Variants in GBF1 observed in about 807,000 individuals in gnomAD.
The protein encoded by GBF1 is golgi brefeldin A resistant guanine nucleotide exchange factor 1, also known as Golgi-specific brefeldin A-resistance guanine nucleotide exchange factor 1.
Under a neutral mutation model 210.5 loss-of-function variants are expected in GBF1, and 114 were observed. The ratio of observed to expected loss-of-function variants is 0.54; its 90% CI spans 0.47 to 0.63. GBF1 has a LOEUF of 0.63. Among genes scored for constraint, GBF1 ranks in the 30% least tolerant of loss-of-function variants. GBF1 has a pLI of 0.00. For synonymous variants in GBF1, 850 were observed against 889.2 expected (o/e 0.96, Z 0.78); for missense variants, 1,851 against 2,357.7 (o/e 0.79, Z 4.45).
chr10:102,319,047 GT>G, intron 3 of GBF1, among the ~76,000 whole-genome samples: 1 of 152,294 alleles, frequency 6.6e-6, no homozygotes, highest in East Asian at 1.9e-4. Context: ...GCTGGGCGCA[GT>G]GGCTCATGCC....
chr10:102,331,242 A>T (rs1319703459), intron 3 of GBF1, among the ~76,000 whole-genome samples: 1 of 152,180 alleles, frequency 6.6e-6, no homozygotes, highest in Non-Finnish European at 1.5e-5. Flanking sequence ...TGTCATGGTC[A>T]TCTTGAACCT....
chr10:102,238,482 T>C, the GBF1 span, among the ~76,000 whole-genome samples: 20 of 152,306 alleles, frequency 1.3e-4, no homozygotes, highest in African/African-American at 4.3e-4. Context: ...GCAGGGGTAG[T>C]GGCCAGCATC....
intron 29 of GBF1, among the ~76,000 whole-genome samples, chr10:102,374,387 G>A (rs902374108): frequency 1.2e-4 from 18 of 151,994 alleles, no homozygotes; most frequent in African/African-American, 4.1e-4. Flanking sequence ...CTAAGGATTA[G>A]GGATGGGGGC....
intron 3 of GBF1, among the ~76,000 whole-genome samples, chr10:102,315,919 T>C (rs1354906970): frequency 6.6e-6 from 1 of 152,068 alleles, no homozygotes; most frequent in African/African-American, 2.4e-5. Flanking sequence ...CAGAACTCTA[T>C]AGAAGTTCTA....
intron 3 of GBF1, among the ~76,000 whole-genome samples, chr10:102,330,723 T>C (rs1490691423): frequency 6.6e-6 from 1 of 151,980 alleles, no homozygotes; most frequent in African/African-American, 2.4e-5. Flanking sequence ...AATGTAGCTG[T>C]TGCTGATGTC....
chr10:102,304,974 C>T (rs921257539), intron 3 of GBF1, among the ~76,000 whole-genome samples: 1 of 140,290 alleles, frequency 7.1e-6, no homozygotes, highest in Non-Finnish European at 1.5e-5. Context: ...TAGCAAGACG[C>T]ACATCTCTTA....
intron 3 of GBF1, among the ~76,000 whole-genome samples, chr10:102,342,522 A>G (rs1363689372): frequency 6.6e-6 from 1 of 151,980 alleles, no homozygotes; most frequent in South Asian, 2.1e-4. Flanking sequence ...TGATGTGATC[A>G]CTGTACAGAC....
At chr10:102,360,872 G>T (rs2059559221) in intron 12 of GBF1, 150 bp from the exon 13 acceptor site, 1 of 623,762 alleles carries the variant, frequency 1.6e-6, no homozygotes, top group Non-Finnish European at 2.9e-6. Flanking sequence ...CTTCTTGGGA[G>T]GCTGAGGAAG....
intron 3 of GBF1, among the ~76,000 whole-genome samples, chr10:102,302,250 C>G (rs1257168784): frequency 7.6e-6 from 1 of 132,176 alleles, no homozygotes; most frequent in African/African-American, 2.5e-5. Flanking sequence ...CAGAGGGAGA[C>G]TGTGGAAAGG....
chr10:102,363,385 T>C lies in GBF1; in HGVS notation c.2006T>C (p.Val669Ala). 1 of 1,613,596 alleles carries C rather than the reference T, an allele frequency of 6.2e-7. No homozygotes were observed. The highest frequency in any genetic ancestry group is 1.1e-5 in the South Asian group (1 of 90,966). Reference sequence around the variant, plus strand: ...GGATGCAGTGATCTGGAGGAAGCTGTTGACTCTGGGGGTGGGTACTGGGTG... The same window carrying C: ...GGATGCAGTGATCTGGAGGAAGCTGCTGACTCTGGGGGTGGGTACTGGGTG... ...KSGCSDLEEA[V>A]DSGADKKFAR... Residue 669 changes from valine to alanine, a missense_variant, in exon 16 of 40, where the codon GTT becomes GCT. Val to Ala is a moderately conservative substitution (Grantham distance 64). This residue lies in a region of GBF1 where 804 missense variants were observed against 958.6 expected (regional missense o/e 0.84). Transcript: ENST00000369983. The surrounding 1 kb of genome is among the most constrained non-coding windows in gnomAD (Gnocchi z 4.2).
chr10:102,336,277 G>A (rs1313382287), intron 3 of GBF1, among the ~76,000 whole-genome samples: 1 of 146,306 alleles, frequency 6.8e-6, no homozygotes, highest in Non-Finnish European at 1.5e-5. Context: ...CTCTAGCCTG[G>A]TGACAGAGCG....
intron 3 of GBF1, among the ~76,000 whole-genome samples, chr10:102,278,639 A>G (rs1486803266): frequency 2.0e-5 from 3 of 152,216 alleles, no homozygotes; most frequent in Non-Finnish European, 4.4e-5. Flanking sequence ...GAGCATTTCA[A>G]ATCTTCTCTT....
At chr10:102,277,794 T>G (rs2075126359) in intron 3 of GBF1, among the ~76,000 whole-genome samples, 1 of 152,210 alleles carries the variant, frequency 6.6e-6, no homozygotes, top group Non-Finnish European at 1.5e-5. Flanking sequence ...GATACAATAA[T>G]TTACTATTCA....
intron 3 of GBF1, among the ~76,000 whole-genome samples, chr10:102,304,590 C>A (rs780732191): frequency 2.0e-5 from 3 of 150,510 alleles, no homozygotes; most frequent in Non-Finnish European, 4.4e-5. Context: ...CTGGCCAACA[C>A]AGTGAAACCC....
intron 36 of GBF1, 94 bp downstream of exon 36, chr10:102,380,048 T>C (rs894401012): frequency 1.7e-5 from 15 of 863,320 alleles, no homozygotes; most frequent in African/African-American, 6.7e-5. Context: ...AGAGATGCAC[T>C]GTAGGTGCTC....
intron 3 of GBF1, among the ~76,000 whole-genome samples, chr10:102,262,198 T>C (rs988555291): frequency 7.2e-5 from 11 of 152,136 alleles, no homozygotes; most frequent in Non-Finnish European, 1.6e-4. Context: ...AGCTTGGAAA[T>C]GTTAGCTAAG....
intron 3 of GBF1, among the ~76,000 whole-genome samples, chr10:102,272,118 T>C (rs967307122): frequency 6.6e-5 from 10 of 151,608 alleles, no homozygotes; most frequent in Non-Finnish European, 1.5e-4. Context: ...GTTGATTTTT[T>C]TTTTTTTAGA....
chr10:102,342,120 T>C (rs578144162), intron 3 of GBF1, among the ~76,000 whole-genome samples: 1 of 151,164 alleles, frequency 6.6e-6, no homozygotes, highest in South Asian at 2.1e-4. Flanking sequence ...CACTGAAAGC[T>C]CTGCCTCCTG....
At chr10:102,230,979 G>T in the GBF1 span, 1 of 1,606,712 alleles carries the variant, frequency 6.2e-7, no homozygotes, top group Non-Finnish European at 8.5e-7. Context: ...AGTAGCCGGG[G>T]TACACCTCCT....
Sources: allele counts gnomAD v4.1 joint callset (sites outside exome capture counted in the v4.1 genomes callset), GRCh38; gene constraint gnomAD v4.1.1; regional missense constraint gnomAD v4.1.1; non-coding constraint Gnocchi (gnomAD v3.1); transcripts MANE v1.5; gene names NCBI Gene and HGNC (gene_info 2026-07-23, HGNC 2026-07-21).